The following CDH12 variants were observed in gnomAD, a reference collection of about 807,000 sequenced individuals.
The protein encoded by CDH12 is cadherin-12.
Under a neutral mutation model 74.1 loss-of-function variants are expected in CDH12, and 41 were observed. The ratio of observed to expected loss-of-function variants is 0.55; its 90% CI spans 0.43 to 0.72. CDH12 has a LOEUF of 0.72. CDH12 is among the 30% of genes least tolerant of loss of function. CDH12 has a pLI of 0.00. For missense variants in CDH12, 945 were observed against 977.2 expected, an observed-to-expected ratio of 0.97 and a Z score of 0.44; for synonymous variants, 399 against 355.0, an observed-to-expected ratio of 1.12 and a Z score of -1.39.
chr5:22,611,930 T>C (rs975321300), intron 1 of CDH12, among the ~76,000 whole-genome samples: 3 of 152,184 alleles, frequency 2.0e-5, no homozygotes, highest in East Asian at 3.9e-4. Context: ...TCCTCTAATT[T>C]GCTTTCCAAT....
At chr5:22,687,326 GA>G (rs1230222554) in intron 1 of CDH12, among the ~76,000 whole-genome samples, 1 of 152,002 alleles carries the variant, frequency 6.6e-6, no homozygotes, top group Non-Finnish European at 1.5e-5. Flanking sequence ...AATGAAAAAT[GA>G]TAAAATAATT....
intron 4 of CDH12, among the ~76,000 whole-genome samples, chr5:22,174,671 A>G (rs373496266): frequency 6.6e-6 from 1 of 151,952 alleles, no homozygotes; most frequent in Non-Finnish European, 1.5e-5. Flanking sequence ...AGTCAATACC[A>G]TTTATCTTGA....
At chr5:22,288,852 A>G (rs982643917) in intron 3 of CDH12, among the ~76,000 whole-genome samples, 8 of 152,186 alleles carry the variant, frequency 5.3e-5, no homozygotes, top group Non-Finnish European at 8.8e-5. Flanking sequence ...ACTTAAATCT[A>G]AATTCATAGC....
At chr5:21,799,964 C>A (rs1747018612) in intron 10 of CDH12, among the ~76,000 whole-genome samples, 1 of 152,116 alleles carries the variant, frequency 6.6e-6, no homozygotes, top group African/African-American at 2.4e-5. Flanking sequence ...TTCTAGTGGG[C>A]CTGAGAGGTG....
intron 4 of CDH12, among the ~76,000 whole-genome samples, chr5:22,167,160 A>C (rs1748732679): frequency 6.6e-6 from 1 of 152,196 alleles, no homozygotes; most frequent in Non-Finnish European, 1.5e-5. Flanking sequence ...GATTAGACCC[A>C]TTTCAATCAG....
At chr5:22,437,413 AT>A (rs1022426302) in intron 2 of CDH12, among the ~76,000 whole-genome samples, 1 of 151,492 alleles carries the variant, frequency 6.6e-6, no homozygotes, top group African/African-American at 2.4e-5. Flanking sequence ...AATACAAACT[AT>A]TTTTTTTCAA....
At chr5:22,054,998 A>G (rs1030303381) in intron 5 of CDH12, among the ~76,000 whole-genome samples, 5 of 152,188 alleles carry the variant, frequency 3.3e-5, no homozygotes, top group Admixed American at 6.6e-5. Context: ...TTGACATCCA[A>G]TGTCACCCAC....
At chr5:22,429,448 T>A (rs1327199104) in intron 2 of CDH12, among the ~76,000 whole-genome samples, 2 of 152,104 alleles carry the variant, frequency 1.3e-5, no homozygotes. Flanking sequence ...TATCTCAACT[T>A]CTTTTAAAAC....
intron 1 of CDH12, among the ~76,000 whole-genome samples, chr5:22,692,110 G>T (rs1014571553): frequency 6.6e-6 from 1 of 152,102 alleles, no homozygotes; most frequent in South Asian, 2.1e-4. Context: ...CAGTAGTAGC[G>T]GTGGTAATGA....
intron 4 of CDH12, among the ~76,000 whole-genome samples, chr5:22,146,783 GT>G (rs1010362893): frequency 6.6e-6 from 1 of 152,184 alleles, no homozygotes; most frequent in South Asian, 2.1e-4. Flanking sequence ...GGAAGCTTGG[GT>G]TTTCTCTTAA....
At chr5:22,644,790 G>T (rs1739350338) in intron 1 of CDH12, among the ~76,000 whole-genome samples, 1 of 152,028 alleles carries the variant, frequency 6.6e-6, no homozygotes, top group Admixed American at 6.6e-5. Context: ...TGACTCTCTT[G>T]TTGGAGGTTA....
chr5:21,955,912 T>A (rs1416313834), intron 6 of CDH12, among the ~76,000 whole-genome samples: 5 of 151,986 alleles, frequency 3.3e-5, no homozygotes, highest in African/African-American at 9.7e-5. Context: ...TAAAGCTAAA[T>A]CTTACAATAT....
chr5:22,838,010 A>G (rs975042378), intron 1 of CDH12, among the ~76,000 whole-genome samples: 2 of 152,170 alleles, frequency 1.3e-5, no homozygotes, highest in African/African-American at 4.8e-5. Flanking sequence ...TTTCAGCACA[A>G]TTTGAAGGCA....
At chr5:21,774,213 G>A (rs1387959819) in intron 11 of CDH12, among the ~76,000 whole-genome samples, 1 of 152,118 alleles carries the variant, frequency 6.6e-6, no homozygotes, top group Non-Finnish European at 1.5e-5. Context: ...CTGCCAGCGT[G>A]GCTAGGACAA....
chr5:22,719,468 A>T (rs960812479), intron 1 of CDH12, among the ~76,000 whole-genome samples: 1 of 152,134 alleles, frequency 6.6e-6, no homozygotes, highest in Non-Finnish European at 1.5e-5. Context: ...TAGTGAAGTA[A>T]AGTTAATGTG....
In CDH12 at chr5:21,983,122, G is replaced by T. The variant is rs190129062; in HGVS notation, c.232-7737C>A. On this transcript the variant is annotated intron_variant, in intron 5 of 14. Coordinates refer to ENST00000382254, the MANE Select transcript of CDH12 (RefSeq NM_004061.5). The stretch of plus-strand genomic sequence containing the variant: ...ATTTACTTTGGTTTACTATTTTGTT[G>T]TCTTGCACTAATTTTATATGATTTC... Among the ~76,000 whole-genome samples the T allele has an allele frequency of 4.6e-3, 693 of 152,086 alleles. 6 individuals carry two copies. Among genetic ancestry groups the T allele is most frequent in the African/African-American group, 0.016 (655 of 41,510 alleles).
At chr5:22,150,779 A>G (rs1387380833) in intron 4 of CDH12, among the ~76,000 whole-genome samples, 1 of 152,190 alleles carries the variant, frequency 6.6e-6, no homozygotes, top group African/African-American at 2.4e-5. Context: ...GTATACCTTT[A>G]CTAGTACCTT....
chr5:21,803,914 T>C (rs184462102), intron 9 of CDH12, among the ~76,000 whole-genome samples: 141 of 152,260 alleles, frequency 9.3e-4, no homozygotes, highest in African/African-American at 3.2e-3. Flanking sequence ...AAAAAACACT[T>C]TTAAATCTTC....
At chr5:22,322,936 T>C (rs1290513991) in intron 3 of CDH12, among the ~76,000 whole-genome samples, 1 of 152,194 alleles carries the variant, frequency 6.6e-6, no homozygotes, top group African/African-American at 2.4e-5. Context: ...ATATGATTTA[T>C]AATTAAATCC....
Sources: allele counts gnomAD v4.1 joint callset (sites outside exome capture counted in the v4.1 genomes callset), GRCh38; gene constraint gnomAD v4.1.1; transcripts MANE v1.5; gene names NCBI Gene and HGNC (gene_info 2026-07-23, HGNC 2026-07-21).